Variants in GRM1 observed in about 807,000 individuals in gnomAD.
GRM1 encodes glutamate metabotropic receptor 1.
GRM1 carries 33 observed loss-of-function variants against 90.9 expected under a neutral mutation model. That is an observed-to-expected ratio of 0.36 (90% CI 0.28 to 0.49). The LOEUF is 0.49. GRM1 is among the 20% of genes least tolerant of loss of function. GRM1 has a pLI of 0.99. For missense variants in GRM1, 1,190 were observed against 1,534.3 expected (o/e 0.78, Z 3.75); for synonymous variants, 700 against 613.2 (o/e 1.14, Z -2.09).
At chr6:146,191,572 C>A (rs1327439681) in intron 2 of GRM1, among the ~76,000 whole-genome samples, 1 of 152,172 alleles carries the variant, frequency 6.6e-6, no homozygotes, top group Non-Finnish European at 1.5e-5. Context: ...CCTTTATGAT[C>A]ATCTACAAGG....
At position 146,433,963 on chromosome 6, in the gene GRM1, A is replaced by C. The variant is rs1583494553; in HGVS notation, c.2752A>C (p.Lys918Gln). Residue 918 changes from lysine (K) to glutamine (Q), a missense_variant, in exon 8 of 8, where the codon AAG (lysine) becomes CAG (glutamine). Physicochemically the swap from Lys to Gln is moderately conservative, Grantham distance 53 (BLOSUM62 1). Around this residue, in one of 10 missense-constraint regions of GRM1, gnomAD observed 400 missense variants for 360.8 expected, o/e 1.11. Coordinates refer to ENST00000282753, the MANE Select transcript of GRM1 (RefSeq NM_001278064.2). ...GTGGCACCGCCTCTCTGTGCACGTG[A>C]AGACCAATGAGACGGCCTGCAACCA... ...HMWHRLSVHVKTNETACNQTA... is the reference protein window; with the variant it reads ...HMWHRLSVHVQTNETACNQTA... The C allele has an allele frequency of 1.2e-6, 2 of 1,614,030 alleles. 1 individual carries two copies. The highest frequency in any genetic ancestry group is 3.3e-4 in the Middle Eastern group (2 of 6,062).
At chr6:146,133,241 A>G (rs1193155131) in intron 1 of GRM1, among the ~76,000 whole-genome samples, 1 of 152,242 alleles carries the variant, frequency 6.6e-6, no homozygotes, top group Non-Finnish European at 1.5e-5. Context: ...CTGTACTGCA[A>G]CATTACAGCC....
Position 146,046,726 on chromosome 6 carries a change from A to C in GRM1, c.700+16509A>C, listed in dbSNP as rs948553037. ...GTAACATAAGCAAATATATGTAAAAAATTATCCAGATATTTTATTACAGTA... is the reference window on the plus strand; with the variant it reads ...GTAACATAAGCAAATATATGTAAAACATTATCCAGATATTTTATTACAGTA... On this transcript the variant is annotated intron_variant, in intron 1 of 7. Transcript: ENST00000282753. Among the ~76,000 whole-genome samples the C allele has an allele frequency of 3.9e-5, 6 of 151,982 alleles. No homozygotes were observed. In the South Asian group the frequency reaches 8.3e-4, roughly 21 times the overall value.
At chr6:146,172,949 G>A (rs913627191) in intron 2 of GRM1, among the ~76,000 whole-genome samples, 1 of 152,126 alleles carries the variant, frequency 6.6e-6, no homozygotes, top group Non-Finnish European at 1.5e-5. Flanking sequence ...AATACGTAAG[G>A]CTGGATTTTG....
At chr6:146,034,523 A>G (rs934747928) in intron 1 of GRM1, among the ~76,000 whole-genome samples, 2 of 151,938 alleles carry the variant, frequency 1.3e-5, no homozygotes, top group Non-Finnish European at 2.9e-5. Flanking sequence ...GAGGACTTGA[A>G]TTTTTTCCCT....
intron 1 of GRM1, among the ~76,000 whole-genome samples, chr6:146,140,456 A>G (rs1776831364): frequency 6.6e-6 from 1 of 151,878 alleles, no homozygotes; most frequent in Non-Finnish European, 1.5e-5. Context: ...TTTACTAGAG[A>G]TGGGGTTTCC....
At chr6:146,331,224 C>A (rs1030269910) in intron 3 of GRM1, among the ~76,000 whole-genome samples, 3 of 152,146 alleles carry the variant, frequency 2.0e-5, no homozygotes, top group African/African-American at 7.2e-5. Flanking sequence ...GATCTATGAG[C>A]TATACTGGGC....
intron 1 of GRM1, among the ~76,000 whole-genome samples, chr6:146,042,469 C>T (rs1471739319): frequency 2.0e-5 from 3 of 152,106 alleles, no homozygotes; most frequent in Non-Finnish European, 2.9e-5. Context: ...GATAATTGAT[C>T]AAGCAAGGTT....
intron 1 of GRM1, among the ~76,000 whole-genome samples, chr6:146,110,473 CCTT>C (rs1229700771): frequency 1.3e-5 from 2 of 152,276 alleles, no homozygotes; most frequent in East Asian, 3.9e-4. Context: ...CAATAAACCT[CCTT>C]CTTTTGTACA....
At chr6:146,063,486 A>AGACATTTTCTTG (rs1396082375) in intron 1 of GRM1, among the ~76,000 whole-genome samples, 4 of 152,200 alleles carry the variant, frequency 2.6e-5, no homozygotes, top group Non-Finnish European at 5.9e-5. Context: ...TTCTCAAATC[A>AGACATTTTCTTG]GACATTTTCT....
rs187771380 is a variant in GRM1, at chr6:146,247,624, G to A, written c.951-56987G>A. Reference sequence around the variant, plus strand: ...ATATTAGTCGAGCATGATGGGGCACGCCTGTAATCCCAGCTACTTGGGAGG... The same window carrying A: ...ATATTAGTCGAGCATGATGGGGCACACCTGTAATCCCAGCTACTTGGGAGG... On this transcript the variant is annotated intron_variant, in intron 2 of 7. Transcript: ENST00000282753. 5.9e-5 allele frequency among the ~76,000 whole-genome samples: 9 copies of A among 151,502 alleles called. No individual in the cohort carries two copies. The South Asian group carries it at 6.2e-4, about 10-fold the overall frequency.
chr6:146,087,967 T>C (rs1411034467), intron 1 of GRM1, among the ~76,000 whole-genome samples: 3 of 152,180 alleles, frequency 2.0e-5, no homozygotes, highest in Non-Finnish European at 4.4e-5. Context: ...AGAAGTGCTA[T>C]TGCTCATTTG....
intron 7 of GRM1, among the ~76,000 whole-genome samples, chr6:146,426,000 G>C (rs1778195975): frequency 6.6e-6 from 1 of 152,190 alleles, no homozygotes; most frequent in Non-Finnish European, 1.5e-5. Context: ...CCTGTGTGCA[G>C]ATTCTTCCAA....
At chr6:146,122,839 C>CTTTTTTTT (rs57859188) in intron 1 of GRM1, among the ~76,000 whole-genome samples, 24 of 62,210 alleles carry the variant, frequency 3.9e-4, no homozygotes, top group African/African-American at 7.3e-4. Flanking sequence ...TCTTTTCTTT[C>CTTTTTTTT]TTTTTTTTTT....
chr6:146,358,883 T>C (rs1379550758), intron 5 of GRM1, among the ~76,000 whole-genome samples: 3 of 152,222 alleles, frequency 2.0e-5, no homozygotes, highest in Non-Finnish European at 4.4e-5. Context: ...GTTTTAGGTA[T>C]CTTGTGCCTT....
rs1775667808 is a variant in GRM1 at position 146,114,387 on chromosome 6, T to C, written c.701-44961T>C. 2.6e-5 allele frequency among the ~76,000 whole-genome samples: 4 copies of C among 152,332 alleles called. No homozygotes were observed. In the South Asian group the frequency reaches 8.3e-4, roughly 32 times the overall value. On this transcript the variant is annotated intron_variant, in intron 1 of 7. Coordinates refer to ENST00000282753, the MANE Select transcript of GRM1 (RefSeq NM_001278064.2). Reference sequence around the variant, plus strand: ...TTTGTTCTAAAATTAAAAATGTGTATAATCTTTTCCCAGGAATTCCATTTT... The same window carrying C: ...TTTGTTCTAAAATTAAAAATGTGTACAATCTTTTCCCAGGAATTCCATTTT...
intron 2 of GRM1, among the ~76,000 whole-genome samples, chr6:146,261,738 G>C (rs1184136851): frequency 1.3e-5 from 2 of 151,920 alleles, no homozygotes. Context: ...AGAACTGCTG[G>C]CATGGATGAT....
chr6:146,368,267 G>A lies in GRM1; in HGVS notation c.1602+10573G>A, dbSNP rs945478302. Among the ~76,000 whole-genome samples the A allele has an allele frequency of 1.4e-4, 19 of 136,476 alleles. No homozygotes were observed. The South Asian group carries it at 4.4e-3, about 31-fold the overall frequency. The allele number at this position is 136,476 out of a possible 152,430, so 89.5% of individuals were successfully genotyped here. On this transcript the variant is annotated intron_variant, in intron 5 of 7. Coordinates refer to ENST00000282753, the MANE Select transcript of GRM1 (RefSeq NM_001278064.2). The stretch of plus-strand genomic sequence containing the variant: ...TTTTCTACAGTTTTTTTTTGGGGGG[G>A]GGGGTAGAATCTTTAGATTTTTCTA...
chr6:146,306,209 A>G (rs944195217), intron 3 of GRM1, among the ~76,000 whole-genome samples: 1 of 152,168 alleles, frequency 6.6e-6, no homozygotes, highest in Non-Finnish European at 1.5e-5. Context: ...CTAAACAATA[A>G]CCCACCTCTG....
Sources: allele counts gnomAD v4.1 joint callset (sites outside exome capture counted in the v4.1 genomes callset), GRCh38; gene constraint gnomAD v4.1.1; regional missense constraint gnomAD v4.1.1; transcripts MANE v1.5; gene names NCBI Gene and HGNC (gene_info 2026-07-23, HGNC 2026-07-21).